CAPZB: variants seen among roughly 807,000 people sequenced by gnomAD.
CAPZB encodes F-actin-capping protein subunit beta.
Under a neutral mutation model 38.1 loss-of-function variants are expected in CAPZB, and 2 were observed. The observed-to-expected ratio is 0.05, with a 90% CI of 0.02 to 0.17. The LOEUF (loss-of-function observed/expected upper bound fraction) is 0.17, where lower values mean the gene tolerates loss of function less well. Ranked by LOEUF, CAPZB falls within the 10% of genes least tolerant of loss-of-function variation. The pLI, the probability that CAPZB is intolerant of heterozygous loss-of-function variation, is 1.00. For missense variants in CAPZB, 161 were observed against 334.2 expected, an observed-to-expected ratio of 0.48 and a Z score of 4.04; for synonymous variants, 107 against 127.4, an observed-to-expected ratio of 0.84 and a Z score of 1.08.
chr1:19,458,891 T>G (rs959277681), intron 1 of CAPZB, among the ~76,000 whole-genome samples: 7 of 152,244 alleles, frequency 4.6e-5, no homozygotes, highest in Admixed American at 2.0e-4. Flanking sequence ...AGCCCAATTC[T>G]GAAAAATGCA....
chr1:19,446,968 T>G (rs2094498068), intron 1 of CAPZB, among the ~76,000 whole-genome samples: 1 of 152,210 alleles, frequency 6.6e-6, no homozygotes, highest in African/African-American at 2.4e-5. Flanking sequence ...CTCTATGGTT[T>G]GTACTGTGCA....
intron 2 of CAPZB, among the ~76,000 whole-genome samples, chr1:19,410,333 A>C (rs1420755547): frequency 6.6e-6 from 1 of 152,230 alleles, no homozygotes. Flanking sequence ...TCCCTTACTG[A>C]ACCATCCCGT....
At chr1:19,368,509 A>C (rs1274152520) in intron 4 of CAPZB, among the ~76,000 whole-genome samples, 1 of 151,464 alleles carries the variant, frequency 6.6e-6, no homozygotes, top group Non-Finnish European at 1.5e-5. Flanking sequence ...AAAAAAAAAA[A>C]AAAAACGGTG....
intron 1 of CAPZB, among the ~76,000 whole-genome samples, chr1:19,485,218 G>A (rs2094646951): frequency 6.6e-6 from 1 of 152,162 alleles, no homozygotes; most frequent in African/African-American, 2.4e-5. Flanking sequence ...TGCGCCAAGG[G>A]CGGGGGCTGG....
intron 1 of CAPZB, among the ~76,000 whole-genome samples, chr1:19,461,612 A>G (rs2094552177): frequency 6.6e-6 from 1 of 152,232 alleles, no homozygotes; most frequent in Non-Finnish European, 1.5e-5. Flanking sequence ...CACTAGGGTA[A>G]AATCTATTTT....
In CAPZB at chr1:19,372,546, C is replaced by T. The variant is rs549167382; in HGVS notation, c.329+5994G>A. ...GGGGTTCATGGCAGCCCACTGGTCG[C>T]TCACACCAGCAAGATGTTCCTCTGA... On this transcript the variant is annotated intron_variant, in intron 4 of 8. Transcript: ENST00000264202. Among the ~76,000 whole-genome samples the T allele has an allele frequency of 5.9e-5, 9 of 152,326 alleles. No individual in the cohort carries two copies. In the South Asian group the frequency reaches 6.2e-4, roughly 11 times the overall value.
chr1:19,352,048 A>G (rs917571790), intron 6 of CAPZB, among the ~76,000 whole-genome samples: 3 of 152,200 alleles, frequency 2.0e-5, no homozygotes, highest in African/African-American at 7.2e-5. Context: ...GGACACGAGG[A>G]GCGGGTGTGC....
chr1:19,414,013 AT>A (rs554389539), intron 2 of CAPZB, among the ~76,000 whole-genome samples: 74 of 152,342 alleles, frequency 4.9e-4, no homozygotes, highest in African/African-American at 1.8e-3. Context: ...CTATTGACTA[AT>A]AGTATCATCC....
At chr1:19,358,190 T>A (rs1029904517) in intron 4 of CAPZB, among the ~76,000 whole-genome samples, 10 of 152,296 alleles carry the variant, frequency 6.6e-5, no homozygotes, top group Admixed American at 3.9e-4. Flanking sequence ...CAGGCTGGAG[T>A]GCAGTGGCAC....
At chr1:19,472,002 C>T (rs1187518144) in intron 1 of CAPZB, among the ~76,000 whole-genome samples, 5 of 152,114 alleles carry the variant, frequency 3.3e-5, no homozygotes, top group South Asian at 2.1e-4. Flanking sequence ...GATTCTCCTA[C>T]GTGCTCTCCA....
intron 1 of CAPZB, among the ~76,000 whole-genome samples, chr1:19,437,399 G>A (rs929760210): frequency 3.9e-5 from 6 of 152,156 alleles, no homozygotes; most frequent in African/African-American, 1.4e-4. Context: ...CACAGGCAAG[G>A]CCACGCACCG....
intron 2 of CAPZB, among the ~76,000 whole-genome samples, chr1:19,397,995 G>A (rs1364940885): frequency 6.6e-6 from 1 of 152,140 alleles, no homozygotes; most frequent in Non-Finnish European, 1.5e-5. Context: ...CGTCGACACT[G>A]GTGGGGATGC....
At chr1:19,415,012 G>A (rs1007149654) in intron 2 of CAPZB, among the ~76,000 whole-genome samples, 3 of 152,246 alleles carry the variant, frequency 2.0e-5, no homozygotes, top group African/African-American at 7.2e-5. Context: ...AGCTGACCTG[G>A]CATGATAAAT....
intron 1 of CAPZB, among the ~76,000 whole-genome samples, chr1:19,422,989 C>T (rs2094407506): frequency 6.6e-6 from 1 of 152,092 alleles, no homozygotes; most frequent in South Asian, 2.1e-4. Context: ...ACTGTTTTAA[C>T]CCTTCTTCGG....
intron 2 of CAPZB, among the ~76,000 whole-genome samples, chr1:19,416,997 T>A (rs1010195660): frequency 6.6e-6 from 1 of 150,652 alleles, no homozygotes; most frequent in Non-Finnish European, 1.5e-5. Context: ...CAACTAAGCC[T>A]CAGAGGTGAT....
chr1:19,415,514 G>C (rs925744663), intron 2 of CAPZB, among the ~76,000 whole-genome samples: 1 of 152,062 alleles, frequency 6.6e-6, no homozygotes, highest in Non-Finnish European at 1.5e-5. Flanking sequence ...AGTTAAACAG[G>C]AAAAAAGAAA....
intron 1 of CAPZB, among the ~76,000 whole-genome samples, chr1:19,468,904 C>T (rs904985241): frequency 6.6e-6 from 1 of 152,218 alleles, no homozygotes; most frequent in African/African-American, 2.4e-5. Context: ...CCTTGAATCT[C>T]TCAGCGAGAC....
chr1:19,455,425 G>A lies in CAPZB; in HGVS notation c.3+30011C>T, dbSNP rs532200831. ...TGAGAGAAGATCGCTGGGTGGCCAC[G>A]TGATGGATAAGACATGCAGGCCTCC... On this transcript the variant is annotated intron_variant, in intron 1 of 8. Coordinates refer to ENST00000264202, the MANE Select transcript of CAPZB (RefSeq NM_004930.5). Among the ~76,000 whole-genome samples, 13 of 152,306 alleles carry A rather than the reference G, an allele frequency of 8.5e-5. No individual in the cohort carries two copies. The East Asian group carries it at 1.5e-3, about 18-fold the overall frequency.
intron 2 of CAPZB, among the ~76,000 whole-genome samples, chr1:19,400,069 T>C (rs2094294627): frequency 6.6e-6 from 1 of 152,200 alleles, no homozygotes; most frequent in South Asian, 2.1e-4. Context: ...ATTTAAACTC[T>C]TAGGGAATTT....
Sources: gnomAD v4.1 joint callset for allele counts (sites outside exome capture counted in the v4.1 genomes callset) on GRCh38, gnomAD v4.1.1 for gene constraint, MANE v1.5 for transcripts, NCBI Gene and HGNC (gene_info 2026-07-23, HGNC 2026-07-21) for gene names.